Variants in CTIF observed in about 807,000 individuals in gnomAD.
CTIF encodes cap binding complex dependent translation initiation factor.
Under a neutral mutation model 66.0 loss-of-function variants are expected in CTIF, and 21 were observed. That is an observed-to-expected ratio of 0.32 (90% CI 0.23 to 0.46). The LOEUF is 0.46. Among genes scored for constraint, CTIF ranks in the 20% least tolerant of loss-of-function variants. The pLI, the probability that CTIF is intolerant of heterozygous loss-of-function variation, is 1.00. For missense variants in CTIF, 739 were observed against 812.7 expected (o/e 0.91, Z 1.10); for synonymous variants, 345 against 326.4 (o/e 1.06, Z -0.62).
chr18:48,845,133 G>A (rs1280944702), intron 10 of CTIF, among the ~76,000 whole-genome samples: 2 of 133,778 alleles, frequency 1.5e-5, no homozygotes, highest in Non-Finnish European at 3.2e-5. Flanking sequence ...GGAAAGGAAG[G>A]AAGAGAAGAA....
In CTIF at chr18:48,698,582, G is replaced by A. The variant is rs373801985; in HGVS notation, c.508-13037G>A. On this transcript the variant is annotated intron_variant, in intron 6 of 11. Coordinates refer to ENST00000256413, the MANE Select transcript of CTIF (RefSeq NM_014772.3). ...TTGGGCACCACTAATTTAGGTCTACGACTTTATTTAAAGAAACTCTAAGCT... is the reference window on the plus strand; with the variant it reads ...TTGGGCACCACTAATTTAGGTCTACAACTTTATTTAAAGAAACTCTAAGCT... 1.4e-4 allele frequency among the ~76,000 whole-genome samples: 21 copies of A among 152,248 alleles called. 1 individual carries two copies. In the South Asian group the frequency reaches 4.1e-3, roughly 30 times the overall value.
chr18:48,648,321 G>T lies in CTIF; in HGVS notation c.252+11636G>T, dbSNP rs538467333. Among the ~76,000 whole-genome samples the T allele has an allele frequency of 4.1e-4, 62 of 152,228 alleles. 1 individual carries two copies. Among genetic ancestry groups the T allele is most frequent in the African/African-American group, 1.5e-3 (61 of 41,538 alleles). ...CAGATGTCCCAGCATGAAAGGAATG[G>T]CCTTTCCCTCTCCCAGACTCAGCTT... On this transcript the variant is annotated intron_variant, in intron 3 of 11. Coordinates refer to ENST00000256413, the MANE Select transcript of CTIF (RefSeq NM_014772.3).
At chr18:48,581,008 C>G (rs2089643599) in intron 1 of CTIF, among the ~76,000 whole-genome samples, 1 of 152,228 alleles carries the variant, frequency 6.6e-6, no homozygotes, top group Admixed American at 6.5e-5. Context: ...GCAGTACTGC[C>G]CGGGGGCTGT....
At chr18:48,844,766 G>A (rs1248822355) in intron 10 of CTIF, among the ~76,000 whole-genome samples, 1 of 152,204 alleles carries the variant, frequency 6.6e-6, no homozygotes, top group Non-Finnish European at 1.5e-5. Context: ...CTGTGGGCAG[G>A]CAAGAGCGAT....
chr18:48,688,475 C>G (rs1459575779), intron 6 of CTIF: 1 of 152,230 alleles, frequency 6.6e-6, no homozygotes, highest in Non-Finnish European at 1.5e-5. Context: ...ACCATGGTGC[C>G]CAGAGTAAGG....
At chr18:48,654,748 G>T (rs941456186) in intron 3 of CTIF, among the ~76,000 whole-genome samples, 1 of 152,204 alleles carries the variant, frequency 6.6e-6, no homozygotes, top group African/African-American at 2.4e-5. Flanking sequence ...TGATAGACTG[G>T]ATTAAGAAAA....
intron 1 of CTIF, among the ~76,000 whole-genome samples, chr18:48,553,774 G>C (rs546747331): frequency 4.6e-5 from 7 of 151,376 alleles, no homozygotes; most frequent in African/African-American, 1.7e-4. Context: ...TCCTGCCTCA[G>C]CCTCCCGAGT....
At chr18:48,631,163 A>G (rs575852450) in intron 2 of CTIF, among the ~76,000 whole-genome samples, 2 of 152,070 alleles carry the variant, frequency 1.3e-5, no homozygotes, top group East Asian at 1.9e-4. Flanking sequence ...ATCTTTCCCA[A>G]TCTCTGCTCA....
intron 7 of CTIF, among the ~76,000 whole-genome samples, chr18:48,720,266 G>A (rs1159459345): frequency 6.6e-6 from 1 of 152,210 alleles, no homozygotes; most frequent in African/African-American, 2.4e-5. Flanking sequence ...GCTAGGGGAT[G>A]AGATGGGGAC....
chr18:48,551,336 G>T (rs2145537397), intron 1 of CTIF, among the ~76,000 whole-genome samples: 1 of 152,068 alleles, frequency 6.6e-6, no homozygotes, highest in South Asian at 2.1e-4. Context: ...ATGGTGGCCT[G>T]CTATGGCAGC....
At chr18:48,690,290 G>A (rs545807571) in intron 6 of CTIF, among the ~76,000 whole-genome samples, 222 of 152,232 alleles carry the variant, frequency 1.5e-3, no homozygotes, top group Non-Finnish European at 2.1e-3. Context: ...CCCCTTGGCT[G>A]TTGTGACAGC....
intron 10 of CTIF, among the ~76,000 whole-genome samples, chr18:48,831,011 C>T (rs2068680805): frequency 6.6e-6 from 1 of 152,152 alleles, no homozygotes; most frequent in South Asian, 2.1e-4. Context: ...AAGCCAGAGA[C>T]AATAGTCAGC....
chr18:48,579,162 C>G (rs141911289), intron 1 of CTIF, among the ~76,000 whole-genome samples: 396 of 152,242 alleles, frequency 2.6e-3, no homozygotes, highest in African/African-American at 9.3e-3. Flanking sequence ...GGGTCTTGCT[C>G]TCTTGCCCAG....
chr18:48,626,591 T>TCG (rs1334989929), intron 2 of CTIF, among the ~76,000 whole-genome samples: 4 of 142,390 alleles, frequency 2.8e-5, no homozygotes, highest in African/African-American at 1.1e-4. Context: ...TGTGATCCCC[T>TCG]CCCATGGCCT....
chr18:48,663,892 C>T (rs1019359408), intron 4 of CTIF, 67 bp downstream of exon 4: 18 of 1,361,076 alleles, frequency 1.3e-5, no homozygotes, highest in African/African-American at 7.2e-5. Context: ...TCCTTGGGGA[C>T]GGAATGAACG....
Position 48,859,948 on chromosome 18 carries a change from G to A in CTIF, c.*389G>A. 1 of 475,704 alleles carries A rather than the reference G, an allele frequency of 2.1e-6. No homozygotes were observed. The highest frequency in any genetic ancestry group is 4.2e-6 in the Non-Finnish European group (1 of 240,272). 29.5% of individuals were successfully genotyped at this position (475,704 alleles called of 1,614,324 possible). A position where few individuals can be genotyped will look rare whatever the true frequency, so the allele number is the denominator to read the frequency against. ...GCCTCGCACGCCGGGGCACCGCTTG[G>A]GTCAGAAAGGACCTCGGAAGGCTGA... On this transcript the variant is annotated 3_prime_UTR_variant, in exon 12 of 12. Coordinates refer to ENST00000256413, the MANE Select transcript of CTIF (RefSeq NM_014772.3).
At position 48,699,003 on chromosome 18, in the gene CTIF, G is replaced by A. The variant is rs573229017; in HGVS notation, c.508-12616G>A. ...ATTGGCTTCCTGGACGAGGACCCAC[G>A]TTTCAACCCTCTGTCCCTCCAGCAC... is the stretch of plus-strand genomic sequence containing the variant. On this transcript the variant is annotated intron_variant, in intron 6 of 11. Coordinates refer to ENST00000256413, the MANE Select transcript of CTIF (RefSeq NM_014772.3). Among the ~76,000 whole-genome samples, 64 of 152,226 alleles carry A rather than the reference G, an allele frequency of 4.2e-4. 2 individuals carry two copies. In the South Asian group the frequency reaches 0.012, roughly 30 times the overall value.
At chr18:48,774,230 C>T (rs529480184) in intron 9 of CTIF, among the ~76,000 whole-genome samples, 1 of 152,190 alleles carries the variant, frequency 6.6e-6, no homozygotes, top group African/African-American at 2.4e-5. Flanking sequence ...TAGGTCTTCC[C>T]TCTCTGGGCC....
intron 1 of CTIF, among the ~76,000 whole-genome samples, chr18:48,604,369 G>A (rs929889394): frequency 3.3e-5 from 5 of 149,762 alleles, no homozygotes; most frequent in South Asian, 2.1e-4. Context: ...TAGTAGAGAC[G>A]GGGTTTCACA....
Sources: allele counts gnomAD v4.1 joint callset (sites outside exome capture counted in the v4.1 genomes callset), GRCh38; gene constraint gnomAD v4.1.1; transcripts MANE v1.5; gene names NCBI Gene and HGNC (gene_info 2026-07-23, HGNC 2026-07-21).